NOX4: variants seen among roughly 807,000 people sequenced by gnomAD.
NOX4 encodes NADPH oxidase 4, also known as kidney oxidase-1.
Under a neutral mutation model 87.6 loss-of-function variants are expected in NOX4, and 69 were observed. That is an observed-to-expected ratio of 0.79 (90% CI 0.65 to 0.96). The LOEUF is 0.96. Among genes scored for constraint, NOX4 ranks in the 40% least tolerant of loss-of-function variants. The probability of loss-of-function intolerance (pLI) is 0.00; values close to 1 mark genes in which losing one functional copy is unlikely to be tolerated. For missense variants in NOX4, 680 were observed against 681.5 expected (o/e 1.00, Z 0.02); for synonymous variants, 275 against 238.2 (o/e 1.15, Z -1.42).
In NOX4 at chr11:89,342,150, G is replaced by A. The variant is rs775700766; in HGVS notation, c.1261C>T (p.Leu421=). ...GPFGSPFEES[L]NYEVSLCVAG... is the part of the protein sequence containing the mutation. ...ACGCAGAGGCTGACCTCATAGTTCA[G>A]TGATTCCTCAAATGGACTTCCAAAA... The change falls in exon 14 of 18, where the codon CTG becomes TTG. Residue 421 remains leucine (L), a synonymous_variant. Transcript: ENST00000263317. The A allele has an allele frequency of 1.6e-5, 25 of 1,612,358 alleles. 1 individual carries two copies. In the South Asian group the frequency reaches 2.7e-4, roughly 18 times the overall value.
the NOX4 span, among the ~76,000 whole-genome samples, chr11:89,504,571 T>A: frequency 1.3e-5 from 2 of 151,930 alleles, no homozygotes; most frequent in African/African-American, 4.8e-5. Context: ...ATGGATAGAT[T>A]TTTTACATAT....
At chr11:89,376,381 A>C (rs1293841312) in intron 11 of NOX4, among the ~76,000 whole-genome samples, 1 of 152,210 alleles carries the variant, frequency 6.6e-6, no homozygotes, top group African/African-American at 2.4e-5. Flanking sequence ...CAGATTCACT[A>C]ATATTGCCTA....
At chr11:89,498,054 C>T (rs186976946) in exon 1 of NOX4, 26 of 152,226 alleles carry the variant, frequency 1.7e-4, no homozygotes, top group African/African-American at 6.0e-4. Flanking sequence ...TGCTAGAGGC[C>T]CATGTAGACT....
chr11:89,389,105 A>G (rs1323075929), intron 11 of NOX4, among the ~76,000 whole-genome samples: 3 of 152,178 alleles, frequency 2.0e-5, no homozygotes, highest in Non-Finnish European at 1.5e-5. Flanking sequence ...TATAATTTCC[A>G]TCAATCTTGT....
intron 13 of NOX4, among the ~76,000 whole-genome samples, chr11:89,349,343 C>A (rs1482394805): frequency 1.3e-5 from 2 of 151,824 alleles, no homozygotes; most frequent in African/African-American, 4.8e-5. Context: ...GGCTCAGGAT[C>A]AGATGACAAG....
At position 89,340,817 on chromosome 11, in the gene NOX4, A is replaced by G. The variant is rs574209740; in HGVS notation, c.1338-646T>C. The stretch of plus-strand genomic sequence containing the variant: ...AACATTAGGTGTCCAAATAACTTGT[A>G]ATGTGTTGTCAGAAACAAACTATTT... On this transcript the variant is annotated intron_variant, in intron 14 of 17. Coordinates refer to ENST00000263317, the MANE Select transcript of NOX4 (RefSeq NM_016931.5). Among the ~76,000 whole-genome samples the G allele has an allele frequency of 5.3e-5, 8 of 152,258 alleles. No individual in the cohort carries two copies. In the East Asian group the frequency reaches 7.7e-4, roughly 15 times the overall value.
intron 1 of NOX4, 184 bp from the exon 2 acceptor site, chr11:89,490,737 T>C (rs1218897652): frequency 4.3e-6 from 3 of 701,018 alleles, no homozygotes; most frequent in Admixed American, 2.0e-5. Flanking sequence ...AATCTGACTT[T>C]ACCCAGCCCT....
At chr11:89,517,612 T>C in the NOX4 span, among the ~76,000 whole-genome samples, 1 of 150,880 alleles carries the variant, frequency 6.6e-6, no homozygotes, top group South Asian at 2.1e-4. Flanking sequence ...TAGCTAGGTA[T>C]ATGACACCAC....
chr11:89,517,648 T>C, the NOX4 span, among the ~76,000 whole-genome samples: 1 of 151,728 alleles, frequency 6.6e-6, no homozygotes, highest in Non-Finnish European at 1.5e-5. Context: ...TTTTTTTCAA[T>C]TTTAAAAACA....
the NOX4 span, among the ~76,000 whole-genome samples, chr11:89,537,202 C>T: frequency 6.6e-6 from 1 of 152,186 alleles, no homozygotes; most frequent in Non-Finnish European, 1.5e-5. Flanking sequence ...CAGCCAACGT[C>T]CTTAGTCAAA....
intron 12 of NOX4, among the ~76,000 whole-genome samples, chr11:89,362,987 A>G (rs1362868824): frequency 2.0e-5 from 3 of 152,146 alleles, no homozygotes; most frequent in African/African-American, 7.2e-5. Flanking sequence ...GAGGTTCTTC[A>G]TGGGCTAAAG....
the NOX4 span, among the ~76,000 whole-genome samples, chr11:89,538,981 G>A: frequency 2.0e-5 from 3 of 152,040 alleles, 1 homozygote; most frequent in African/African-American, 7.3e-5. Flanking sequence ...TAAGAGGCCA[G>A]AGAGCTTGCA....
At chr11:89,497,608 G>A (rs180925541) in intron 1 of NOX4, among the ~76,000 whole-genome samples, 111 of 152,164 alleles carry the variant, frequency 7.3e-4, no homozygotes, top group Non-Finnish European at 1.4e-3. Context: ...ATGCTACTGC[G>A]TCTTTGCACA....
chr11:89,499,943 G>A (rs138950481), upstream of NOX4, among the ~76,000 whole-genome samples: 477 of 152,158 alleles, frequency 3.1e-3, 4 homozygotes, highest in African/African-American at 0.011. Flanking sequence ...ACTATTACAG[G>A]AATAAGATTC....
intron 17 of NOX4, among the ~76,000 whole-genome samples, chr11:89,333,995 A>G (rs759704341): frequency 1.7e-4 from 26 of 151,752 alleles, no homozygotes; most frequent in Non-Finnish European, 2.8e-4. Context: ...GCTCTAAAAC[A>G]CAAACAGCCT....
chr11:89,431,596 A>G (rs1363542179), intron 7 of NOX4, among the ~76,000 whole-genome samples: 1 of 152,236 alleles, frequency 6.6e-6, no homozygotes, highest in East Asian at 1.9e-4. Flanking sequence ...AGACACATGA[A>G]AAAATGCTCA....
intron 3 of NOX4, among the ~76,000 whole-genome samples, chr11:89,451,029 C>T (rs1309563740): frequency 7.3e-6 from 1 of 136,190 alleles, no homozygotes; most frequent in African/African-American, 2.8e-5. Context: ...CACTTGGACA[C>T]AGGATGGGGA....
chr11:89,386,012 G>T (rs1450771185), intron 11 of NOX4, among the ~76,000 whole-genome samples: 2 of 152,018 alleles, frequency 1.3e-5, no homozygotes, highest in Non-Finnish European at 1.5e-5. Flanking sequence ...ACCCCTTACT[G>T]TCCTCAATCT....
intron 13 of NOX4, among the ~76,000 whole-genome samples, chr11:89,349,429 T>C (rs1946359892): frequency 6.6e-6 from 1 of 152,076 alleles, no homozygotes; most frequent in Non-Finnish European, 1.5e-5. Flanking sequence ...AAAACTTGGC[T>C]AGGAAAGAGA....
Sources: gnomAD v4.1 joint callset for allele counts (sites outside exome capture counted in the v4.1 genomes callset) on GRCh38, gnomAD v4.1.1 for gene constraint, MANE v1.5 for transcripts, NCBI Gene and HGNC (gene_info 2026-07-23, HGNC 2026-07-21) for gene names.